The following DDC variants were observed in gnomAD, a reference collection of about 807,000 sequenced individuals.
DDC encodes the protein aromatic-L-amino-acid decarboxylase.
DDC carries 43 observed loss-of-function variants against 60.0 expected under a neutral mutation model. The observed-to-expected ratio is 0.72, with a 90% confidence interval of 0.56 to 0.92. The LOEUF (loss-of-function observed/expected upper bound fraction) is 0.92, where lower values mean the gene tolerates loss of function less well. DDC is among the 40% of genes least tolerant of loss of function. The pLI is 0.00. For missense variants in DDC, 573 were observed against 620.2 expected (o/e 0.92, Z 0.81); for synonymous variants, 232 against 234.6 (o/e 0.99, Z 0.10).
chr7:50,463,328 G>A lies in DDC; in HGVS notation c.1346C>T (p.Ala449Val). ...HLRDKFVLRF[A>V]ICSRTVESAH... ...AGATTCCACCGTGCGAGAACAGATG[G>A]CAAAGCGCAGGACAAACTTGTCCCT... The change falls in exon 14 of 15, where the codon GCC becomes GTC. Residue 449 changes from alanine (A) to valine (V), a missense_variant. Transcript: ENST00000444124. 6.2e-7 allele frequency: 1 copy of A among 1,614,242 alleles called. No homozygotes were observed.
At chr7:50,536,443 G>A (rs927807479) in intron 4 of DDC, among the ~76,000 whole-genome samples, 1 of 152,200 alleles carries the variant, frequency 6.6e-6, no homozygotes, top group Non-Finnish European at 1.5e-5. Context: ...TAAGTTGACT[G>A]AGACCCATCT....
At chr7:50,496,569 T>G (rs984218136) in intron 8 of DDC, among the ~76,000 whole-genome samples, 1 of 152,182 alleles carries the variant, frequency 6.6e-6, no homozygotes, top group African/African-American at 2.4e-5. Context: ...AGGAGGACAC[T>G]CTGCATTTTC....
chr7:50,563,673 C>T (rs1427541158), intron 1 of DDC, among the ~76,000 whole-genome samples: 2 of 152,166 alleles, frequency 1.3e-5, no homozygotes, highest in Non-Finnish European at 2.9e-5. Flanking sequence ...TCGATCTCGG[C>T]TCACCGCAAC....
Position 50,503,940 on chromosome 7 carries a change from T to C in DDC, c.781+53A>G, listed in dbSNP as rs1395897150. On this transcript the variant is annotated intron_variant, in intron 7 of 14. Transcript: ENST00000444124. ...AGATCAACGAGGAAGGTTTGCTAAATTCCCCGTGTACAGAGAACATTTTCC... is the reference window on the plus strand; with the variant it reads ...AGATCAACGAGGAAGGTTTGCTAAACTCCCCGTGTACAGAGAACATTTTCC... 3.1e-6 allele frequency: 4 copies of C among 1,298,838 alleles called. No individual in the cohort carries two copies. The East Asian group carries it at 9.2e-5, about 30-fold the overall frequency. 80.5% of individuals were successfully genotyped at this position (1,298,838 alleles called of 1,614,324 possible).
intron 9 of DDC, among the ~76,000 whole-genome samples, chr7:50,488,745 A>G (rs2042937973): frequency 6.6e-6 from 1 of 152,220 alleles, no homozygotes; most frequent in African/African-American, 2.4e-5. Flanking sequence ...TTGTTAGAAC[A>G]ACTAAATTTT....
chr7:50,550,051 C>T (rs57716050), intron 1 of DDC, among the ~76,000 whole-genome samples: 11,762 of 152,286 alleles, frequency 0.077, 759 homozygotes, highest in Admixed American at 0.19. Flanking sequence ...GAAAGAAGTT[C>T]TACTGGGGGT....
At chr7:50,469,991 A>G in intron 12 of DDC, 82 bp downstream of exon 12, 5 of 989,008 alleles carry the variant, frequency 5.1e-6, no homozygotes, top group South Asian at 1.4e-5. Context: ...AAAAAAAAAA[A>G]AGAAAAAAAA....
chr7:50,494,050 C>G (rs897224427), intron 9 of DDC, among the ~76,000 whole-genome samples: 1 of 152,184 alleles, frequency 6.6e-6, no homozygotes, highest in African/African-American at 2.4e-5. Flanking sequence ...AATCAATCAA[C>G]TTCTTACTTT....
chr7:50,513,094 C>T (rs2043626702), intron 6 of DDC, among the ~76,000 whole-genome samples: 1 of 152,188 alleles, frequency 6.6e-6, no homozygotes, highest in African/African-American at 2.4e-5. Flanking sequence ...AGAGGACCCA[C>T]AGACTCTGTG....
At chr7:50,561,552 T>C (rs2045344450) in intron 1 of DDC, among the ~76,000 whole-genome samples, 1 of 152,146 alleles carries the variant, frequency 6.6e-6, no homozygotes, top group Non-Finnish European at 1.5e-5. Flanking sequence ...TTGAGCCGCA[T>C]GCATCTCAAA....
At chr7:50,504,202 G>GC in intron 6 of DDC, 143 bp from the exon 7 acceptor site, 1 of 702,260 alleles carries the variant, frequency 1.4e-6, no homozygotes, top group Non-Finnish European at 2.6e-6. Flanking sequence ...GGAAACGTAA[G>GC]CCCATGGATG....
intron 9 of DDC, among the ~76,000 whole-genome samples, chr7:50,492,070 C>T (rs533690453): frequency 8.3e-6 from 1 of 120,210 alleles, no homozygotes; most frequent in Non-Finnish European, 1.9e-5. Context: ...AGAAGGAAGA[C>T]CATGTGAGGA....
At chr7:50,553,342 G>A (rs1278782245) in intron 1 of DDC, among the ~76,000 whole-genome samples, 1 of 152,140 alleles carries the variant, frequency 6.6e-6, no homozygotes, top group Non-Finnish European at 1.5e-5. Flanking sequence ...TTATGTCTCA[G>A]AAAACACGTA....
intron 4 of DDC, among the ~76,000 whole-genome samples, chr7:50,530,242 G>A (rs987439714): frequency 1.3e-5 from 2 of 152,050 alleles, no homozygotes; most frequent in Non-Finnish European, 2.9e-5. Flanking sequence ...GCGACAGAGT[G>A]AGACCCAGTC....
chr7:50,528,648 C>G (rs1348929394), intron 5 of DDC, among the ~76,000 whole-genome samples: 7 of 152,134 alleles, frequency 4.6e-5, no homozygotes, highest in Non-Finnish European at 1.5e-5. Context: ...TGTGCCCTGC[C>G]CCTGACTGTG....
intron 8 of DDC, among the ~76,000 whole-genome samples, chr7:50,496,476 C>T (rs183370015): frequency 6.6e-5 from 10 of 152,216 alleles, no homozygotes; most frequent in Middle Eastern, 3.4e-3. Flanking sequence ...TGTGAACAAC[C>T]GGCTCTGGCT....
intron 14 of DDC, among the ~76,000 whole-genome samples, chr7:50,461,662 G>A (rs1027904457): frequency 6.6e-5 from 10 of 152,182 alleles, no homozygotes; most frequent in African/African-American, 1.9e-4. Flanking sequence ...AGTCGGGAGC[G>A]TTTGCCTGAT....
At chr7:50,471,706 G>C (rs1390508215) in intron 11 of DDC, among the ~76,000 whole-genome samples, 1 of 152,198 alleles carries the variant, frequency 6.6e-6, no homozygotes, top group African/African-American at 2.4e-5. Context: ...GCATGCAGCA[G>C]AGCCTGAGCC....
intron 1 of DDC, among the ~76,000 whole-genome samples, chr7:50,554,219 C>A (rs2045106373): frequency 6.6e-6 from 1 of 152,076 alleles, no homozygotes; most frequent in Non-Finnish European, 1.5e-5. Flanking sequence ...CCCTCCAGTG[C>A]TGCTGGGAAG....
Sources: allele counts gnomAD v4.1 joint callset (sites outside exome capture counted in the v4.1 genomes callset), GRCh38; gene constraint gnomAD v4.1.1; transcripts MANE v1.5; gene names NCBI Gene and HGNC (gene_info 2026-07-23, HGNC 2026-07-21).